The following TRAPPC6B variants were observed in gnomAD, a reference collection of about 807,000 sequenced individuals.
The protein encoded by TRAPPC6B is TRAPP complex subunit 6B.
TRAPPC6B carries 27 observed loss-of-function variants against 24.7 expected under a neutral mutation model. The observed-to-expected ratio is 1.09, with a 90% CI of 0.81 to 1.51. TRAPPC6B has a LOEUF of 1.51. Among genes scored for constraint, TRAPPC6B ranks in the 40% most tolerant of loss-of-function variants. TRAPPC6B has a pLI of 0.00. For synonymous variants in TRAPPC6B, 80 were observed against 66.6 expected (o/e 1.20, Z -0.98); for missense variants, 212 against 190.8 (o/e 1.11, Z -0.66).
chr14:39,157,014 G>A (rs8017102), intron 3 of TRAPPC6B, among the ~76,000 whole-genome samples: 7,370 of 151,600 alleles, frequency 0.049, 629 homozygotes, highest in African/African-American at 0.17. Context: ...GGAGCCTGAG[G>A]CAGAATGGCT....
chr14:39,170,043 A>T lies in TRAPPC6B; in HGVS notation c.53T>A (p.Val18Glu). 1 of 1,613,978 alleles carries T rather than the reference A, an allele frequency of 6.2e-7. No individual in the cohort carries two copies. ...LLLHNEMVSG[V>E]YKSAEQGEVE... is the part of the protein sequence containing the mutation. ...CTCCCCCTGCTCCGCGGACTTGTAC[A>T]CTCCAGACACCATCTCGTTATGGAG... The change falls in exon 1 of 6, where the codon GTG (valine) becomes GAG (glutamate). Residue 18 changes from valine (V) to glutamate (E), a missense_variant. Coordinates refer to ENST00000330149, the MANE Select transcript of TRAPPC6B (RefSeq NM_001079537.2).
At chr14:39,155,356 C>T (rs2052963688) in intron 3 of TRAPPC6B, among the ~76,000 whole-genome samples, 1 of 152,168 alleles carries the variant, frequency 6.6e-6, no homozygotes, top group Admixed American at 6.6e-5. Context: ...ATTCTCCTGC[C>T]TCAGCCTCCC....
At chr14:39,150,462 G>C in intron 5 of TRAPPC6B, 81 bp from the exon 6 acceptor site, 2 of 1,042,648 alleles carry the variant, frequency 1.9e-6, no homozygotes, top group Non-Finnish European at 2.8e-6. Context: ...GTTCCATATA[G>C]GAAATAGTTT....
chr14:39,168,975 T>G (rs2053136625), intron 1 of TRAPPC6B, among the ~76,000 whole-genome samples: 1 of 152,200 alleles, frequency 6.6e-6, no homozygotes, highest in Non-Finnish European at 1.5e-5. Context: ...GCTTTCTAAC[T>G]TCACCTCTCA....
intron 1 of TRAPPC6B, among the ~76,000 whole-genome samples, chr14:39,169,550 A>T (rs2053143213): frequency 6.6e-6 from 1 of 152,160 alleles, no homozygotes; most frequent in South Asian, 2.1e-4. Flanking sequence ...TCCTTTGCAA[A>T]CTCAACCTTC....
chr14:39,169,938 G>T (rs2053149916), intron 1 of TRAPPC6B, 77 bp downstream of exon 1: 1 of 1,461,028 alleles, frequency 6.8e-7, no homozygotes. Flanking sequence ...CGATGGGACA[G>T]GGGTTGAAGG....
intron 1 of TRAPPC6B, among the ~76,000 whole-genome samples, chr14:39,165,975 T>C (rs571167761): frequency 6.6e-6 from 1 of 152,318 alleles, no homozygotes; most frequent in African/African-American, 2.4e-5. Flanking sequence ...AGCTATTTTT[T>C]GTATTTTTAG....
Position 39,150,395 on chromosome 14 carries a change from T to A in TRAPPC6B, c.446-14A>T, listed in dbSNP as rs763694776. 4.8e-6 allele frequency: 7 copies of A among 1,473,432 alleles called. 1 individual carries two copies. The Middle Eastern group carries it at 5.2e-4, about 110-fold the overall frequency. 91.3% of individuals were successfully genotyped at this position (1,473,432 alleles called of 1,614,324 possible). On this transcript the variant is annotated splice_polypyrimidine_tract_variant and intron_variant, in intron 5 of 5. Transcript: ENST00000330149. ...CCTGAAATTTGCCTAAAAAAAAAAA[T>A]ACAAATAATTCTTTGATTTTAGATA...
At chr14:39,153,488 G>C (rs1446231685) in intron 4 of TRAPPC6B, among the ~76,000 whole-genome samples, 1 of 151,664 alleles carries the variant, frequency 6.6e-6, no homozygotes, top group Non-Finnish European at 1.5e-5. Context: ...AAATTAGCCA[G>C]GCATGGTGGC....
chr14:39,158,563 G>T, intron 2 of TRAPPC6B, 161 bp from the exon 3 acceptor site: 1 of 550,082 alleles, frequency 1.8e-6, no homozygotes, highest in Non-Finnish European at 3.1e-6. Flanking sequence ...TGTCGCCCAG[G>T]TTAGAGTGCA....
At chr14:39,157,622 C>T in intron 3 of TRAPPC6B, 1 of 364,816 alleles carries the variant, frequency 2.7e-6, no homozygotes, top group Non-Finnish European at 5.4e-6. Context: ...AAGGGGAAGG[C>T]AAGACTGGGA....
intron 3 of TRAPPC6B, 116 bp from the exon 4 acceptor site, chr14:39,154,410 A>G (rs867240658): frequency 3.0e-6 from 2 of 656,582 alleles, no homozygotes; most frequent in Middle Eastern, 4.1e-4. Context: ...TCTCCTTCCC[A>G]TTGGCCAAGT....
chr14:39,167,869 G>A (rs200278094), intron 1 of TRAPPC6B, among the ~76,000 whole-genome samples: 2 of 132,144 alleles, frequency 1.5e-5, no homozygotes, highest in Non-Finnish European at 3.5e-5. Flanking sequence ...ATTAACCCAC[G>A]GGAAAAAAAA....
intron 1 of TRAPPC6B, among the ~76,000 whole-genome samples, chr14:39,164,439 C>T (rs1421986831): frequency 6.6e-6 from 1 of 152,066 alleles, no homozygotes; most frequent in Non-Finnish European, 1.5e-5. Context: ...TTGCAGTGAG[C>T]CAAGGTCACC....
chr14:39,160,968 G>C (rs576369397), intron 1 of TRAPPC6B, among the ~76,000 whole-genome samples: 87 of 152,296 alleles, frequency 5.7e-4, no homozygotes, highest in African/African-American at 2.0e-3. Context: ...GAAAACAAAT[G>C]CAGTCCAGTT....
chr14:39,158,256 A>C (rs1355781669), intron 3 of TRAPPC6B, 29 bp downstream of exon 3: 1 of 1,228,808 alleles, frequency 8.1e-7, no homozygotes, highest in East Asian at 2.4e-5. Context: ...AAAGGACTTT[A>C]AAATATAGGC....
chr14:39,150,462 G>A, intron 5 of TRAPPC6B, 81 bp from the exon 6 acceptor site: 3 of 1,042,648 alleles, frequency 2.9e-6, no homozygotes, highest in Non-Finnish European at 2.8e-6. Context: ...GTTCCATATA[G>A]GAAATAGTTT....
Position 39,150,130 on chromosome 14 carries a change from T to C in TRAPPC6B, c.*220A>G, listed in dbSNP as rs1179660435. The C allele has an allele frequency of 8.8e-6, 4 of 452,662 alleles. No homozygotes were observed. Among genetic ancestry groups the C allele is most frequent in the Admixed American group, 4.4e-5 (1 of 22,814 alleles). 28.0% of individuals were successfully genotyped at this position (452,662 alleles called of 1,614,324 possible). A position where few individuals can be genotyped will look rare whatever the true frequency, so the allele number is the denominator to read the frequency against. On this transcript the variant is annotated 3_prime_UTR_variant, in exon 6 of 6. Transcript: ENST00000330149. ...AATAAGGGCCCTGCATCTTGGTGTCTGGTTATTTGAAATCCGGTTTTCATT... is the reference window on the plus strand; with the variant it reads ...AATAAGGGCCCTGCATCTTGGTGTCCGGTTATTTGAAATCCGGTTTTCATT...
chr14:39,151,880 TA>T, intron 4 of TRAPPC6B, 41 bp from the exon 5 acceptor site: 1 of 1,332,096 alleles, frequency 7.5e-7, no homozygotes, highest in Non-Finnish European at 1.1e-6. Flanking sequence ...AAGGATTTAC[TA>T]AAATAGTAAA....
Sources: gnomAD v4.1 joint callset for allele counts (sites outside exome capture counted in the v4.1 genomes callset) on GRCh38, gnomAD v4.1.1 for gene constraint, MANE v1.5 for transcripts, NCBI Gene and HGNC (gene_info 2026-07-23, HGNC 2026-07-21) for gene names.